Variants in CD80 observed in about 807,000 individuals in gnomAD.
CD80 encodes the protein T-lymphocyte activation antigen CD80.
Under a neutral mutation model 27.1 loss-of-function variants are expected in CD80, and 13 were observed. That is an observed-to-expected ratio of 0.48 (90% CI 0.31 to 0.76). The LOEUF (loss-of-function observed/expected upper bound fraction) is 0.76. Among genes scored for constraint, CD80 ranks in the 30% least tolerant of loss-of-function variants. The pLI is 0.04. For missense variants in CD80, 277 were observed against 347.9 expected, an observed-to-expected ratio of 0.80 and a Z score of 1.62; for synonymous variants, 125 against 125.5, an observed-to-expected ratio of 1.00 and a Z score of 0.03.
At chr3:119,536,745 G>GT (rs2082140333) in intron 4 of CD80, among the ~76,000 whole-genome samples, 1 of 152,194 alleles carries the variant, frequency 6.6e-6, no homozygotes, top group Non-Finnish European at 1.5e-5. Context: ...ATCTGGCTGA[G>GT]TTACAGTAAT....
intron 5 of CD80, 58 bp from the exon 6 acceptor site, chr3:119,527,899 A>T: frequency 1.4e-6 from 2 of 1,431,618 alleles, no homozygotes; most frequent in East Asian, 2.3e-5. Context: ...AATTGTGCCC[A>T]TATGTTAATA....
chr3:119,555,078 C>G (rs1021455568), intron 2 of CD80, among the ~76,000 whole-genome samples: 1 of 152,214 alleles, frequency 6.6e-6, no homozygotes, highest in Admixed American at 6.5e-5. Context: ...CCAGACCCAC[C>G]TAAGCAGAAA....
rs138016780 is a variant in CD80 at position 119,541,141 on chromosome 3, C to CT, written c.418+3408dup. 4.0e-3 allele frequency among the ~76,000 whole-genome samples: 609 copies of CT among 152,236 alleles called. 4 individuals are homozygous for CT. The highest frequency in any genetic ancestry group is 0.014 in the African/African-American group (583 of 41,546). On this transcript the variant is annotated intron_variant, in intron 3 of 6. Coordinates refer to ENST00000264246, the MANE Select transcript of CD80 (RefSeq NM_005191.4). ...TTCTAAGGTGATCTGTTTAGGGTAA[C>CT]TACTCCTGAGGTCTTGTGAGATTGT...
intron 5 of CD80, among the ~76,000 whole-genome samples, chr3:119,529,255 ACTGAGAATTGGTGAGATCAC>A (rs2082096788): frequency 6.6e-6 from 1 of 152,106 alleles, no homozygotes; most frequent in Non-Finnish European, 1.5e-5. Flanking sequence ...CAGCCCAAGA[ACTGAGAATTGGTGAGATCAC>A]CTGTAGCCAT....
intron 2 of CD80, among the ~76,000 whole-genome samples, chr3:119,552,710 T>A (rs57498508): frequency 0.12 from 17,557 of 151,904 alleles, 1,303 homozygotes; most frequent in Admixed American, 0.17. Flanking sequence ...CAACAGAATA[T>A]TATTTCAGAA....
intron 5 of CD80, among the ~76,000 whole-genome samples, chr3:119,529,604 C>T (rs930652780): frequency 2.0e-5 from 3 of 152,204 alleles, no homozygotes; most frequent in Non-Finnish European, 2.9e-5. Context: ...AGGGCAGTGA[C>T]TTCTTGTCAT....
chr3:119,549,401 G>GTCA (rs1236927384), intron 2 of CD80, among the ~76,000 whole-genome samples: 1 of 152,132 alleles, frequency 6.6e-6, no homozygotes, highest in Non-Finnish European at 1.5e-5. Flanking sequence ...AGAAGGCATG[G>GTCA]TCATTCTTCC....
intron 2 of CD80, among the ~76,000 whole-genome samples, chr3:119,548,413 C>G (rs999170449): frequency 2.0e-5 from 3 of 152,116 alleles, no homozygotes; most frequent in African/African-American, 7.2e-5. Flanking sequence ...TCCACTGGTC[C>G]CCTGAGAAGA....
chr3:119,545,840 T>A (rs1346315461), intron 2 of CD80, among the ~76,000 whole-genome samples: 1 of 152,104 alleles, frequency 6.6e-6, no homozygotes, highest in Non-Finnish European at 1.5e-5. Context: ...TGTGCAAATA[T>A]CTCTTCAAGA....
chr3:119,546,018 A>C (rs985959468), intron 2 of CD80, among the ~76,000 whole-genome samples: 8 of 152,246 alleles, frequency 5.3e-5, no homozygotes, highest in Non-Finnish European at 1.0e-4. Context: ...ATTGCATAAA[A>C]AACAAATTTG....
At chr3:119,557,521 G>T (rs1006091373) in intron 2 of CD80, 108 bp downstream of exon 2, 14 of 642,060 alleles carry the variant, frequency 2.2e-5, no homozygotes, top group African/African-American at 1.7e-4. Context: ...CACCCTGAAG[G>T]TTCCTTCCAG....
At chr3:119,532,369 A>T (rs974444523) in intron 4 of CD80, among the ~76,000 whole-genome samples, 2 of 152,038 alleles carry the variant, frequency 1.3e-5, no homozygotes, top group African/African-American at 4.8e-5. Context: ...GGTGGCGAGT[A>T]CCAATCCCAG....
At position 119,559,453 on chromosome 3, in the gene CD80, A is replaced by T. The variant is rs2082281079; in HGVS notation, c.-214T>A. 2 of 152,176 alleles carry T rather than the reference A, an allele frequency of 1.3e-5. No homozygotes were observed. The highest frequency in any genetic ancestry group is 6.5e-5 in the Admixed American group (1 of 15,284). 9.4% of individuals were successfully genotyped at this position (152,176 alleles called of 1,614,324 possible). A position where few individuals can be genotyped will look rare whatever the true frequency, so the allele number is the denominator to read the frequency against. ...AAATGTACTTACTTGCTGAAGAAAA[A>T]TTCCACTTTTTCTTTAAATCCTTTG... On this transcript the variant is annotated 5_prime_UTR_variant, in exon 1 of 7. Transcript: ENST00000264246.
At chr3:119,531,883 C>T (rs932737157) in intron 4 of CD80, among the ~76,000 whole-genome samples, 24 of 152,034 alleles carry the variant, frequency 1.6e-4, no homozygotes, top group Admixed American at 9.8e-4. Flanking sequence ...AGACTGGTCT[C>T]GAACTCCTGA....
intron 4 of CD80, among the ~76,000 whole-genome samples, chr3:119,532,365 G>A (rs563162012): frequency 1.3e-5 from 2 of 151,978 alleles, no homozygotes; most frequent in Non-Finnish European, 2.9e-5. Context: ...TATCGGTGGC[G>A]AGTACCAATC....
chr3:119,547,364 A>G (rs577745413), intron 2 of CD80, among the ~76,000 whole-genome samples: 23 of 152,340 alleles, frequency 1.5e-4, no homozygotes, highest in Admixed American at 2.0e-4. Flanking sequence ...GGAATTTACC[A>G]ACCTCTAAGG....
At chr3:119,557,147 A>T (rs2082269172) in intron 2 of CD80, among the ~76,000 whole-genome samples, 1 of 152,234 alleles carries the variant, frequency 6.6e-6, no homozygotes, top group African/African-American at 2.4e-5. Context: ...GGTTAAGAAG[A>T]TGAATGTCAT....
At chr3:119,526,083 A>G (rs1414457313) in intron 6 of CD80, among the ~76,000 whole-genome samples, 1 of 152,076 alleles carries the variant, frequency 6.6e-6, no homozygotes, top group Non-Finnish European at 1.5e-5. Flanking sequence ...GATCAGGCAA[A>G]TGTTTAGTTA....
Position 119,557,839 on chromosome 3 carries a change from C to A in CD80, c.-111G>T. On this transcript the variant is annotated 5_prime_UTR_variant, in exon 2 of 7. Transcript: ENST00000264246. ...GGGCTGATGACAATCCAATTGCTCACGTAGAAGACCCTCCAGTGATGTTTA... is the reference window on the plus strand; with the variant it reads ...GGGCTGATGACAATCCAATTGCTCAAGTAGAAGACCCTCCAGTGATGTTTA... 1 of 575,166 alleles carries A rather than the reference C, an allele frequency of 1.7e-6. No individual in the cohort carries two copies. The highest frequency in any genetic ancestry group is 3.0e-5 in the East Asian group (1 of 33,056). The allele number at this position is 575,166 out of a possible 1,614,324, so 35.6% of individuals were successfully genotyped here.
Sources: allele counts gnomAD v4.1 joint callset (sites outside exome capture counted in the v4.1 genomes callset), GRCh38; gene constraint gnomAD v4.1.1; transcripts MANE v1.5; gene names NCBI Gene and HGNC (gene_info 2026-07-23, HGNC 2026-07-21).